The following SERGEF variants were observed in gnomAD, a reference collection of about 807,000 sequenced individuals.
SERGEF encodes the protein secretion regulating guanine nucleotide exchange factor.
A neutral mutation model predicts 50.0 loss-of-function variants in SERGEF; 51 were observed. That is an observed-to-expected ratio of 1.02 (90% confidence interval 0.81 to 1.29). The LOEUF (loss-of-function observed/expected upper bound fraction) is 1.29, where lower values mean the gene tolerates loss of function less well. Among genes scored for constraint, SERGEF ranks in the 50% most tolerant of loss-of-function variants. The probability of loss-of-function intolerance (pLI) is 0.00; values close to 1 mark genes in which losing one functional copy is unlikely to be tolerated. For synonymous variants in SERGEF, 205 were observed against 212.4 expected (o/e 0.97, Z 0.30); for missense variants, 521 against 557.0 (o/e 0.94, Z 0.65).
chr11:17,994,788 G>A (rs1487338881), intron 6 of SERGEF, among the ~76,000 whole-genome samples: 2 of 152,030 alleles, frequency 1.3e-5, no homozygotes, highest in African/African-American at 4.8e-5. Context: ...ACCCCTAGCT[G>A]AAAGAGAACA....
intron 9 of SERGEF, among the ~76,000 whole-genome samples, chr11:17,906,513 C>A (rs1464088399): frequency 6.6e-6 from 1 of 151,460 alleles, no homozygotes; most frequent in African/African-American, 2.4e-5. Flanking sequence ...CAGCACAGAG[C>A]TAAGTGGGGG....
At chr11:17,981,079 C>T (rs935450544) in intron 8 of SERGEF, among the ~76,000 whole-genome samples, 7 of 152,198 alleles carry the variant, frequency 4.6e-5, no homozygotes, top group African/African-American at 7.2e-5. Flanking sequence ...ACCAACTTCA[C>T]CCACACTGAC....
chr11:17,892,851 A>C (rs527305637), intron 9 of SERGEF, among the ~76,000 whole-genome samples: 1 of 152,086 alleles, frequency 6.6e-6, no homozygotes, highest in Non-Finnish European at 1.5e-5. Flanking sequence ...ATACCACTGC[A>C]CTCCAGCCTG....
intron 9 of SERGEF, among the ~76,000 whole-genome samples, chr11:17,879,546 A>G (rs1231779897): frequency 6.6e-6 from 1 of 152,200 alleles, no homozygotes; most frequent in Non-Finnish European, 1.5e-5. Flanking sequence ...CTCTACTTCT[A>G]TGAAATCAAC....
chr11:17,994,885 C>T (rs1386410552), intron 6 of SERGEF, among the ~76,000 whole-genome samples: 3 of 152,270 alleles, frequency 2.0e-5, no homozygotes, highest in African/African-American at 7.2e-5. Context: ...TCTTCCCCCA[C>T]CCCTTCCCAC....
At chr11:17,838,309 A>G (rs1360941612) in intron 10 of SERGEF, among the ~76,000 whole-genome samples, 2 of 152,268 alleles carry the variant, frequency 1.3e-5, no homozygotes, top group Non-Finnish European at 2.9e-5. Flanking sequence ...GAACTGGCAT[A>G]AAACTAAACA....
chr11:17,948,935 A>G (rs988929059), intron 9 of SERGEF, among the ~76,000 whole-genome samples: 1 of 152,150 alleles, frequency 6.6e-6, no homozygotes, highest in African/African-American at 2.4e-5. Flanking sequence ...CTCTCTTCCA[A>G]ACAGTAATCT....
intron 10 of SERGEF, among the ~76,000 whole-genome samples, chr11:17,857,862 T>C (rs1461663109): frequency 6.6e-6 from 1 of 152,194 alleles, no homozygotes; most frequent in Non-Finnish European, 1.5e-5. Context: ...TTTATCTCTA[T>C]TTCCTTCCAA....
intron 8 of SERGEF, among the ~76,000 whole-genome samples, chr11:17,988,258 C>T (rs935283677): frequency 6.6e-6 from 1 of 152,164 alleles, no homozygotes; most frequent in African/African-American, 2.4e-5. Context: ...TTAATTTAGA[C>T]TTAGACATGC....
chr11:17,952,938 C>T (rs1852797862), intron 9 of SERGEF, among the ~76,000 whole-genome samples: 1 of 152,142 alleles, frequency 6.6e-6, no homozygotes, highest in Non-Finnish European at 1.5e-5. Context: ...TATCTGGCTG[C>T]TCTTCCTCTG....
At position 17,922,499 on chromosome 11, in the gene SERGEF, A is replaced by G. The variant is rs189678562; in HGVS notation, c.1011+36971T>C. Among the ~76,000 whole-genome samples, 834 of 152,324 alleles carry G rather than the reference A, an allele frequency of 5.5e-3. 8 individuals carry two copies. Among genetic ancestry groups the G allele is most frequent in the Non-Finnish European group, 4.8e-3 (328 of 68,024 alleles). ...TTGGGGTTTTTTTCTAAGTATTATA[A>G]CACAGCCTATGCTGGCAAATATTTC... On this transcript the variant is annotated intron_variant, in intron 9 of 10. Coordinates refer to ENST00000265965, the MANE Select transcript of SERGEF (RefSeq NM_012139.4).
chr11:17,882,957 T>C lies in SERGEF; in HGVS notation c.1012-4713A>G, dbSNP rs1284473968. ...GAAAAAGCAAGTTCCAGCTTGCTGA[T>C]TGGGGCCTTCTGGAGAAGGGGGACA... On this transcript the variant is annotated intron_variant, in intron 9 of 10. Coordinates refer to ENST00000265965, the MANE Select transcript of SERGEF (RefSeq NM_012139.4). 5.3e-5 allele frequency among the ~76,000 whole-genome samples: 8 copies of C among 152,248 alleles called. No homozygotes were observed. In the East Asian group the frequency reaches 5.8e-4, roughly 11 times the overall value.
intron 5 of SERGEF, chr11:17,999,464 A>G: frequency 2.6e-6 from 1 of 378,970 alleles, no homozygotes; most frequent in Non-Finnish European, 5.1e-6. Context: ...CAGGACTATC[A>G]GCACAGTCCT....
rs796653214 is a variant in SERGEF at position 17,917,510 on chromosome 11, G to A, written c.1012-39266C>T. Among the ~76,000 whole-genome samples, 8 of 152,156 alleles carry A rather than the reference G, an allele frequency of 5.3e-5. No individual in the cohort carries two copies. The South Asian group carries it at 6.2e-4, about 12-fold the overall frequency. On this transcript the variant is annotated intron_variant, in intron 9 of 10. Transcript: ENST00000265965. Reference sequence around the variant, plus strand: ...GGGTCTCAAAAATCACACAATCACCGCTAAAGAACTTACTCATGTAACCAA... The same window carrying A: ...GGGTCTCAAAAATCACACAATCACCACTAAAGAACTTACTCATGTAACCAA...
At chr11:17,943,106 G>A (rs2133957679) in intron 9 of SERGEF, among the ~76,000 whole-genome samples, 1 of 134,172 alleles carries the variant, frequency 7.5e-6, no homozygotes, top group Non-Finnish European at 1.7e-5. Flanking sequence ...TCATAAATTT[G>A]GAAGTGTCCC....
At chr11:17,850,247 C>A (rs1057187422) in intron 10 of SERGEF, among the ~76,000 whole-genome samples, 2 of 152,194 alleles carry the variant, frequency 1.3e-5, no homozygotes, top group Non-Finnish European at 2.9e-5. Flanking sequence ...CACTGTTACA[C>A]TGGGGACCAA....
chr11:17,944,979 A>G (rs1852631000), intron 9 of SERGEF, among the ~76,000 whole-genome samples: 1 of 152,244 alleles, frequency 6.6e-6, no homozygotes, highest in African/African-American at 2.4e-5. Context: ...TATGCTTGCC[A>G]TATCAGTGAT....
intron 10 of SERGEF, among the ~76,000 whole-genome samples, chr11:17,858,489 T>A (rs1850865874): frequency 3.3e-5 from 5 of 152,082 alleles, no homozygotes; most frequent in Admixed American, 2.0e-4. Flanking sequence ...TAAATATTGA[T>A]CTCTGGAAGT....
chr11:17,963,901 GA>G (rs1853066223), intron 8 of SERGEF, among the ~76,000 whole-genome samples: 1 of 152,146 alleles, frequency 6.6e-6, no homozygotes, highest in South Asian at 2.1e-4. Context: ...GGTAGCAAGT[GA>G]AAAGAGAAGA....
Sources: allele counts gnomAD v4.1 joint callset (sites outside exome capture counted in the v4.1 genomes callset), GRCh38; gene constraint gnomAD v4.1.1; transcripts MANE v1.5; gene names NCBI Gene and HGNC (gene_info 2026-07-23, HGNC 2026-07-21).